Variants in ASAP2 observed in about 807,000 individuals in gnomAD.
ASAP2 encodes ArfGAP with SH3 domain, ankyrin repeat and PH domain 2.
A neutral mutation model predicts 131.4 loss-of-function variants in ASAP2; 45 were observed. The observed-to-expected ratio is 0.34, with a 90% confidence interval of 0.27 to 0.44. The LOEUF is 0.44. Among genes scored for constraint, ASAP2 ranks in the 20% least tolerant of loss-of-function variants. The pLI is 1.00. For missense variants in ASAP2, 1,011 were observed against 1,297.0 expected (o/e 0.78, Z 3.39); for synonymous variants, 510 against 503.0 (o/e 1.01, Z -0.19).
chr2:9,208,008 G>A (rs1050860481), intron 1 of ASAP2, among the ~76,000 whole-genome samples: 1 of 152,220 alleles, frequency 6.6e-6, no homozygotes, highest in Non-Finnish European at 1.5e-5. Flanking sequence ...GAACACGTAG[G>A]AACGAAGAAG....
At chr2:9,255,876 G>A (rs996367433) in intron 1 of ASAP2, among the ~76,000 whole-genome samples, 8 of 152,132 alleles carry the variant, frequency 5.3e-5, no homozygotes, top group Admixed American at 1.3e-4. Flanking sequence ...TGGGCTGGGG[G>A]GCACAAGATC....
intron 15 of ASAP2, among the ~76,000 whole-genome samples, chr2:9,362,328 ATC>A (rs1673156189): frequency 2.0e-5 from 3 of 152,182 alleles, no homozygotes; most frequent in Admixed American, 2.0e-4. Flanking sequence ...CAGGAGTAGC[ATC>A]TCTCCTCTTT....
intron 11 of ASAP2, 138 bp downstream of exon 11, chr2:9,344,938 A>G: frequency 3.2e-6 from 2 of 619,104 alleles, no homozygotes; most frequent in South Asian, 3.2e-5. Flanking sequence ...TTTCCCTGTC[A>G]GAAACGCTTG....
chr2:9,213,448 G>A (rs1265224334), intron 1 of ASAP2, among the ~76,000 whole-genome samples: 3 of 152,188 alleles, frequency 2.0e-5, no homozygotes, highest in Admixed American at 6.5e-5. Flanking sequence ...GGAAGCTGTT[G>A]AAGGGTTTTG....
chr2:9,248,514 C>T (rs1480947020), intron 1 of ASAP2, among the ~76,000 whole-genome samples: 1 of 151,918 alleles, frequency 6.6e-6, no homozygotes, highest in Non-Finnish European at 1.5e-5. Flanking sequence ...CTGCCACCTC[C>T]TTGCTAGTTG....
intron 2 of ASAP2, among the ~76,000 whole-genome samples, chr2:9,297,066 G>T (rs1668193857): frequency 6.6e-6 from 1 of 152,200 alleles, no homozygotes; most frequent in Non-Finnish European, 1.5e-5. Flanking sequence ...GAGGACCACT[G>T]GACGTGGGCA....
intron 9 of ASAP2, among the ~76,000 whole-genome samples, chr2:9,343,354 C>T (rs1200508525): frequency 1.3e-5 from 2 of 152,220 alleles, no homozygotes; most frequent in South Asian, 2.1e-4. Context: ...GCTCCCCTCT[C>T]GTTTCCTTTA....
rs531226931 is a variant in ASAP2, at chr2:9,390,163, T to G, written c.2384-899T>G. The stretch of plus-strand genomic sequence containing the variant: ...CCGTTCCTGTCCCTAGCATCATTTC[T>G]TCTTCCAGTAATGTAGGTCATACCC... On this transcript the variant is annotated intron_variant, in intron 22 of 27. Coordinates refer to ENST00000281419, the MANE Select transcript of ASAP2 (RefSeq NM_003887.3). 3.9e-5 allele frequency among the ~76,000 whole-genome samples: 6 copies of G among 152,360 alleles called. No homozygotes were observed. The East Asian group carries it at 1.2e-3, about 29-fold the overall frequency.
At chr2:9,277,178 CA>C (rs1196975550) in intron 1 of ASAP2, among the ~76,000 whole-genome samples, 1 of 152,200 alleles carries the variant, frequency 6.6e-6, no homozygotes, top group East Asian at 1.9e-4. Context: ...CGTGAACTGG[CA>C]CCTCTATGTG....
intron 1 of ASAP2, among the ~76,000 whole-genome samples, chr2:9,224,331 C>G (rs967158759): frequency 3.9e-5 from 6 of 152,294 alleles, no homozygotes; most frequent in South Asian, 2.1e-4. Flanking sequence ...AACCCCCACA[C>G]CAGACTGAGT....
At chr2:9,254,056 AT>A (rs1160967555) in intron 1 of ASAP2, among the ~76,000 whole-genome samples, 1 of 150,472 alleles carries the variant, frequency 6.6e-6, no homozygotes, top group Non-Finnish European at 1.5e-5. Context: ...AAATACAAAA[AT>A]TAGCCGGGCG....
At position 9,322,662 on chromosome 2, in the gene ASAP2, G is replaced by A. The variant is rs537370380; in HGVS notation, c.471-459G>A. 7.2e-5 allele frequency among the ~76,000 whole-genome samples: 11 copies of A among 152,332 alleles called. No individual in the cohort carries two copies. The South Asian group carries it at 1.7e-3, about 23-fold the overall frequency. On this transcript the variant is annotated intron_variant, in intron 5 of 27. Coordinates refer to ENST00000281419, the MANE Select transcript of ASAP2 (RefSeq NM_003887.3). ...CGACAGCATGGAAAGGTGGTTGGTC[G>A]TCTTCTACAGTGATGAGCGGTGTTG...
At position 9,341,268 on chromosome 2, in the gene ASAP2, C is replaced by T. The variant is rs539525173; in HGVS notation, c.850-3264C>T. On this transcript the variant is annotated intron_variant, in intron 9 of 27. Coordinates refer to ENST00000281419, the MANE Select transcript of ASAP2 (RefSeq NM_003887.3). The stretch of plus-strand genomic sequence containing the variant: ...TACAGGCTAACAAAGGCTATTGTTA[C>T]GGGGTCGCCTGGGAGTCACCTAGAG... Among the ~76,000 whole-genome samples the T allele has an allele frequency of 1.2e-4, 18 of 152,276 alleles. No homozygotes were observed. In the East Asian group the frequency reaches 2.3e-3, roughly 20 times the overall value.
intron 20 of ASAP2, among the ~76,000 whole-genome samples, chr2:9,382,054 G>C (rs553185777): frequency 1.5e-5 from 2 of 134,166 alleles, no homozygotes. Flanking sequence ...CATGATCTCT[G>C]TTCACTGCAA....
chr2:9,230,266 G>A (rs1175414549), intron 1 of ASAP2, among the ~76,000 whole-genome samples: 1 of 152,212 alleles, frequency 6.6e-6, no homozygotes, highest in Non-Finnish European at 1.5e-5. Context: ...CTTCAGGAGT[G>A]AACAGGGCTT....
chr2:9,298,816 C>T (rs1435395052), intron 3 of ASAP2, among the ~76,000 whole-genome samples: 7 of 152,212 alleles, frequency 4.6e-5, no homozygotes, highest in Non-Finnish European at 1.0e-4. Flanking sequence ...ACAGAGCTGC[C>T]TGTTAGCTTC....
At chr2:9,300,544 G>A (rs1052934815) in intron 3 of ASAP2, among the ~76,000 whole-genome samples, 6 of 152,232 alleles carry the variant, frequency 3.9e-5, no homozygotes, top group African/African-American at 1.2e-4. Flanking sequence ...TTTCTACAGA[G>A]AGTAAAGGTA....
intron 14 of ASAP2, among the ~76,000 whole-genome samples, chr2:9,357,533 G>A (rs1672800951): frequency 6.6e-6 from 1 of 152,080 alleles, no homozygotes; most frequent in South Asian, 2.1e-4. Context: ...TGAGGTAGGG[G>A]GTGATAAGTA....
intron 12 of ASAP2, among the ~76,000 whole-genome samples, chr2:9,355,167 T>G (rs1031144059): frequency 2.0e-5 from 3 of 152,190 alleles, no homozygotes; most frequent in Non-Finnish European, 4.4e-5. Flanking sequence ...TAACTAAAAA[T>G]CTTACTCAGA....
Sources: allele counts gnomAD v4.1 joint callset (sites outside exome capture counted in the v4.1 genomes callset), GRCh38; gene constraint gnomAD v4.1.1; transcripts MANE v1.5; gene names NCBI Gene and HGNC (gene_info 2026-07-23, HGNC 2026-07-21).